The following IPO11 variants were observed in gnomAD, a reference collection of about 807,000 sequenced individuals.
IPO11 encodes importin 11.
A neutral mutation model predicts 143.2 loss-of-function variants in IPO11; 66 were observed. The ratio of observed to expected loss-of-function variants is 0.46; its 90% CI spans 0.38 to 0.57. The LOEUF (loss-of-function observed/expected upper bound fraction) is 0.57. Ranked by LOEUF, IPO11 falls within the 20% of genes least tolerant of loss-of-function variation. The pLI is 0.00. For missense variants in IPO11, 1,026 were observed against 1,141.0 expected (o/e 0.90, Z 1.45); for synonymous variants, 385 against 377.8 (o/e 1.02, Z -0.22).
At position 62,591,644 on chromosome 5, in the gene IPO11, G is replaced by A; in HGVS notation, c.2650G>A (p.Glu884Lys). Residue 884 changes from glutamate to lysine, a missense_variant, in exon 28 of 30, where the codon GAA (glutamate) becomes AAA (lysine). Coordinates refer to ENST00000325324, the MANE Select transcript of IPO11 (RefSeq NM_016338.5). The stretch of plus-strand genomic sequence containing the variant: ...AGAAGGCCTGCATGATGTCATGACG[G>A]AAGATCCTGAAACAGGAACTTATAA... The part of the protein sequence containing the change: ...SVEGLHDVMT[E>K]DPETGTYKDC... 6.2e-7 allele frequency: 1 copy of A among 1,607,540 alleles called. No homozygotes were observed. Among genetic ancestry groups the A allele is most frequent in the Non-Finnish European group, 8.5e-7 (1 of 1,177,278 alleles).
Position 62,580,138 on chromosome 5 carries a change from T to C in IPO11, c.2583-11439T>C, listed in dbSNP as rs1334934392. On this transcript the variant is annotated intron_variant, in intron 27 of 29. Coordinates refer to ENST00000325324, the MANE Select transcript of IPO11 (RefSeq NM_016338.5). ...AGTACTTAAAAGTCTTAGAAGACTT[T>C]CTTTGTCTCATAATCCTATTGAAGC... 5 of 1,550,936 alleles carry C rather than the reference T, an allele frequency of 3.2e-6. No individual in the cohort carries two copies. The East Asian group carries it at 9.8e-5, about 30-fold the overall frequency.
chr5:62,567,495 A>ATT (rs371387218), intron 27 of IPO11, among the ~76,000 whole-genome samples: 24 of 126,986 alleles, frequency 1.9e-4, no homozygotes, highest in African/African-American at 7.2e-4. Context: ...TATTATTATT[A>ATT]TTTTTTTTAC....
chr5:62,418,947 A>G, intron 1 of IPO11: 1 of 1,517,852 alleles, frequency 6.6e-7, no homozygotes, highest in Non-Finnish European at 8.9e-7. Flanking sequence ...TAAGGCTGGG[A>G]TACATCCTGA....
intron 19 of IPO11, among the ~76,000 whole-genome samples, chr5:62,507,394 G>GT (rs1457749398): frequency 6.6e-6 from 1 of 152,082 alleles, no homozygotes; most frequent in African/African-American, 2.4e-5. Context: ...ATTTGATGGT[G>GT]TTTTTTTCAA....
intron 9 of IPO11, among the ~76,000 whole-genome samples, chr5:62,479,260 C>T (rs6449599): frequency 0.026 from 3,944 of 152,166 alleles, 176 homozygotes; most frequent in African/African-American, 0.091. Context: ...TACAAAAGGA[C>T]GTGAACTCAT....
rs1742359427 is a variant in IPO11 at position 62,526,018 on chromosome 5, C to A, written c.1897-124C>A. ...GTTTTGCTATTACTTGTAATTAGGA[C>A]CTTCCTAAAAATATGATTCATTTTT... On this transcript the variant is annotated intron_variant, in intron 20 of 29. Transcript: ENST00000325324. 4.5e-6 allele frequency: 3 copies of A among 660,524 alleles called. No homozygotes were observed. In the South Asian group the frequency reaches 5.2e-5, roughly 11 times the overall value. The allele number at this position is 660,524 out of a possible 1,614,324, so 40.9% of individuals were successfully genotyped here. A position where few individuals can be genotyped will look rare whatever the true frequency, so the allele number is the denominator to read the frequency against.
At position 62,447,692 on chromosome 5, in the gene IPO11, C is replaced by T. The variant is rs57579385; in HGVS notation, c.240-2235C>T. 4.4e-3 allele frequency among the ~76,000 whole-genome samples: 667 copies of T among 151,832 alleles called. 7 individuals are homozygous for T. The highest frequency in any genetic ancestry group is 0.016 in the African/African-American group (643 of 41,398). ...CCTCGACTTCTCAGGCTCCAGTGAT[C>T]CTCCCACTGCAGCCTCTGGAGTAGC... On this transcript the variant is annotated intron_variant, in intron 3 of 29. Coordinates refer to ENST00000325324, the MANE Select transcript of IPO11 (RefSeq NM_016338.5).
At chr5:62,443,296 A>G (rs144267141) in intron 3 of IPO11, 8 of 442,174 alleles carry the variant, frequency 1.8e-5, no homozygotes, top group South Asian at 4.8e-5. Context: ...AAATGCAAAA[A>G]AAGTGTTTAC....
rs1316960196 is a variant in IPO11 at position 62,551,284 on chromosome 5, C to A, written c.2408C>A (p.Thr803Asn). The part of the protein sequence containing the change: ...GVMGRVLLQN[T>N]SFFSSLLNEM... ...ATGGGTCGAGTTCTACTACAAAACA[C>A]TAGTTTTTTTTCTTCACTACTTAAT... Residue 803 changes from threonine (T) to asparagine (N), a missense_variant, in exon 26 of 30, where the codon ACT (threonine) becomes AAT (asparagine). Coordinates refer to ENST00000325324, the MANE Select transcript of IPO11 (RefSeq NM_016338.5). 1 of 1,610,416 alleles carries A rather than the reference C, an allele frequency of 6.2e-7. No homozygotes were observed. Among genetic ancestry groups the A allele is most frequent in the Non-Finnish European group, 8.5e-7 (1 of 1,178,026 alleles).
At chr5:62,474,052 C>G (rs1033601577) in intron 7 of IPO11, among the ~76,000 whole-genome samples, 1 of 152,016 alleles carries the variant, frequency 6.6e-6, no homozygotes, top group African/African-American at 2.4e-5. Flanking sequence ...ATGGGAGGAG[C>G]CACATAATAA....
intron 5 of IPO11, among the ~76,000 whole-genome samples, chr5:62,462,099 C>G (rs1472260771): frequency 6.6e-6 from 1 of 151,798 alleles, no homozygotes; most frequent in Non-Finnish European, 1.5e-5. Context: ...ATAAATCTTA[C>G]TTATTTTTGT....
At chr5:62,598,387 G>GCTTTCTTTCTTTCTTTCTTT (rs1561380373) in intron 28 of IPO11, among the ~76,000 whole-genome samples, 1 of 36,226 alleles carries the variant, frequency 2.8e-5, no homozygotes, top group Non-Finnish European at 4.5e-5. Flanking sequence ...TTGCTTGCTT[G>GCTTTCTTTCTTTCTTTCTTT]CTTGCTTTCT....
At chr5:62,568,179 T>C (rs1034142747) in intron 27 of IPO11, among the ~76,000 whole-genome samples, 1 of 150,208 alleles carries the variant, frequency 6.7e-6, no homozygotes, top group African/African-American at 2.5e-5. Flanking sequence ...TTGCCCAGTC[T>C]GGTCAGACCC....
At chr5:62,578,574 TTTATA>T (rs1414898224) in intron 27 of IPO11, 4 of 341,064 alleles carry the variant, frequency 1.2e-5, no homozygotes, top group African/African-American at 9.0e-5. Context: ...AACTATTATT[TTTATA>T]TTATAGGAGA....
At chr5:62,513,816 G>A (rs1159043216) in intron 19 of IPO11, among the ~76,000 whole-genome samples, 2 of 149,918 alleles carry the variant, frequency 1.3e-5, no homozygotes, top group East Asian at 4.0e-4. Flanking sequence ...CCAGGCGGAG[G>A]GGCTCCTCAC....
chr5:62,514,796 G>C (rs957501944), intron 19 of IPO11, among the ~76,000 whole-genome samples: 1 of 152,196 alleles, frequency 6.6e-6, no homozygotes, highest in Non-Finnish European at 1.5e-5. Flanking sequence ...CTGTGCTCCA[G>C]GGTAAAATGT....
chr5:62,536,850 G>C, intron 23 of IPO11, 69 bp downstream of exon 23: 2 of 1,343,360 alleles, frequency 1.5e-6, no homozygotes, highest in Non-Finnish European at 1.9e-6. Context: ...TTGAAATCAG[G>C]GGGTACGTTT....
intron 2 of IPO11, among the ~76,000 whole-genome samples, chr5:62,438,099 T>C (rs1380361003): frequency 1.3e-5 from 2 of 152,094 alleles, no homozygotes; most frequent in Admixed American, 6.5e-5. Context: ...AAGCTCCCCG[T>C]TGGGTTAAAA....
intron 19 of IPO11, among the ~76,000 whole-genome samples, chr5:62,508,932 T>C (rs929599384): frequency 2.0e-5 from 3 of 152,156 alleles, no homozygotes; most frequent in African/African-American, 4.8e-5. Flanking sequence ...GTGGCACATA[T>C]ACACCGTGGA....
Sources: allele counts gnomAD v4.1 joint callset (sites outside exome capture counted in the v4.1 genomes callset), GRCh38; gene constraint gnomAD v4.1.1; transcripts MANE v1.5; gene names NCBI Gene and HGNC (gene_info 2026-07-23, HGNC 2026-07-21).